SMU1: variants seen among roughly 807,000 people sequenced by gnomAD.
SMU1 encodes the protein WD40 repeat-containing protein SMU1.
A neutral mutation model predicts 62.0 loss-of-function variants in SMU1; 2 were observed. The ratio of observed to expected loss-of-function variants is 0.03; its 90% CI spans 0.01 to 0.10. SMU1 has a LOEUF of 0.10. SMU1 is among the 10% of genes least tolerant of loss of function. SMU1 has a pLI of 1.00. For synonymous variants in SMU1, 188 were observed against 212.4 expected (o/e 0.89, Z 1.00); for missense variants, 227 against 622.1 (o/e 0.36, Z 6.76).
chr9:33,046,139 G>T lies in SMU1; in HGVS notation c.*1154C>A, dbSNP rs958413970. The T allele has an allele frequency of 7.2e-5, 11 of 152,310 alleles. No homozygotes were observed. The highest frequency in any genetic ancestry group is 2.6e-4 in the African/African-American group (11 of 41,570). The allele number at this position is 152,310 out of a possible 1,614,324, so 9.4% of individuals were successfully genotyped here. A position where few individuals can be genotyped will look rare whatever the true frequency, so the allele number is the denominator to read the frequency against. ...TTTTCTTTAGATAACTGGTAATGAT[G>T]CACATTACAAAGGAGACTTTTCTAA... On this transcript the variant is annotated 3_prime_UTR_variant, in exon 12 of 12. Transcript: ENST00000397149.
intron 6 of SMU1, among the ~76,000 whole-genome samples, chr9:33,059,222 T>C (rs1839335540): frequency 6.6e-6 from 1 of 152,146 alleles, no homozygotes. Context: ...ACAGGGTATA[T>C]AGTATGCTAT....
rs1055513675 is a variant in SMU1 at position 33,044,615 on chromosome 9, T to C, written c.*2678A>G. On this transcript the variant is annotated 3_prime_UTR_variant, in exon 12 of 12. Coordinates refer to ENST00000397149, the MANE Select transcript of SMU1 (RefSeq NM_018225.3). ...TAGGCGCCGAGGAGTGTAAGCAGCG[T>C]GTGCCCATTTAAAGACAAAATCAGT... is the stretch of plus-strand genomic sequence containing the variant. The C allele has an allele frequency of 6.6e-6, 1 of 152,262 alleles. No individual in the cohort carries two copies. The highest frequency in any genetic ancestry group is 2.4e-5 in the African/African-American group (1 of 41,462). 9.4% of individuals were successfully genotyped at this position (152,262 alleles called of 1,614,324 possible).
intron 4 of SMU1, among the ~76,000 whole-genome samples, chr9:33,063,464 C>A (rs1422415918): frequency 6.6e-6 from 1 of 152,096 alleles, no homozygotes; most frequent in Non-Finnish European, 1.5e-5. Flanking sequence ...AATGTTTATT[C>A]CCCTTTCCTT....
At chr9:33,054,151 AC>A (rs1243769477) in intron 9 of SMU1, among the ~76,000 whole-genome samples, 1 of 152,050 alleles carries the variant, frequency 6.6e-6, no homozygotes. Flanking sequence ...ATACAAACAA[AC>A]AAAACAAAAA....
At position 33,062,170 on chromosome 9, in the gene SMU1, T is replaced by G; in HGVS notation, c.509A>C (p.Lys170Thr). The stretch of plus-strand genomic sequence containing the variant: ...AAGCAATCCCTGATGCTGCTGCCAC[T>G]TCAGTGCCTATGAGGAAAAAAAAAA... ...RLMALLGQAL[K>T]WQQHQGLLPP... Residue 170 changes from lysine to threonine, a missense_variant, in exon 5 of 12, where the codon AAG becomes ACG. This residue lies in a region of SMU1 where 99 missense variants were observed against 270.3 expected (regional missense o/e 0.37). Coordinates refer to ENST00000397149, the MANE Select transcript of SMU1 (RefSeq NM_018225.3). The G allele has an allele frequency of 6.2e-7, 1 of 1,612,656 alleles. No individual in the cohort carries two copies. Among genetic ancestry groups the G allele is most frequent in the Non-Finnish European group, 8.5e-7 (1 of 1,179,414 alleles).
intron 5 of SMU1, among the ~76,000 whole-genome samples, chr9:33,061,157 G>A (rs772149265): frequency 2.0e-5 from 3 of 152,188 alleles, no homozygotes; most frequent in Non-Finnish European, 4.4e-5. Context: ...ATTTGCTAGT[G>A]AGGATGCTCC....
rs1029667482 is a variant in SMU1, at chr9:33,042,500, T to C, written c.*4793A>G. 1 of 152,272 alleles carries C rather than the reference T, an allele frequency of 6.6e-6. No individual in the cohort carries two copies. Among genetic ancestry groups the C allele is most frequent in the Non-Finnish European group, 1.5e-5 (1 of 68,040 alleles). The allele number at this position is 152,272 out of a possible 1,614,324, so 9.4% of individuals were successfully genotyped here. ...GTAGGGAATAGGAGTAGAGGCCAATTATGTCGCTTGAGAGTGCTCTTGGAA... is the reference window on the plus strand; with the variant it reads ...GTAGGGAATAGGAGTAGAGGCCAATCATGTCGCTTGAGAGTGCTCTTGGAA... On this transcript the variant is annotated 3_prime_UTR_variant, in exon 12 of 12. Transcript: ENST00000397149.
At position 33,043,465 on chromosome 9, in the gene SMU1, T is replaced by G. The variant is rs1269212951; in HGVS notation, c.*3828A>C. On this transcript the variant is annotated 3_prime_UTR_variant, in exon 12 of 12. Transcript: ENST00000397149. Reference sequence around the variant, plus strand: ...CACCACCAATTTCTGATTCTGTAGGTCTGGGATAGGACCTTAGAATGTGTC... The same window carrying G: ...CACCACCAATTTCTGATTCTGTAGGGCTGGGATAGGACCTTAGAATGTGTC... The G allele has an allele frequency of 1.3e-5, 2 of 152,228 alleles. No individual in the cohort carries two copies. The highest frequency in any genetic ancestry group is 2.9e-5 in the Non-Finnish European group (2 of 68,054). The allele number at this position is 152,228 out of a possible 1,614,324, so 9.4% of individuals were successfully genotyped here. A position where few individuals can be genotyped will look rare whatever the true frequency, so the allele number is the denominator to read the frequency against.
intron 4 of SMU1, among the ~76,000 whole-genome samples, chr9:33,068,413 T>G (rs531369669): frequency 6.6e-5 from 10 of 152,302 alleles, no homozygotes; most frequent in Admixed American, 3.3e-4. Context: ...AGCAACTCTG[T>G]AGGTAGTCCC....
intron 8 of SMU1, 25 bp downstream of exon 8, chr9:33,056,812 G>C: frequency 1.2e-6 from 2 of 1,607,914 alleles, no homozygotes; most frequent in Non-Finnish European, 1.7e-6. Flanking sequence ...ACTCAAGTGA[G>C]AGCAGTTTTG....
chr9:33,068,725 C>A (rs1034529340), intron 4 of SMU1, 99 bp downstream of exon 4: 36 of 1,390,748 alleles, frequency 2.6e-5, no homozygotes, highest in Non-Finnish European at 3.1e-5. Context: ...GGCTGGTCTC[C>A]AACTACTAGG....
Position 33,048,196 on chromosome 9 carries a change from A to T in SMU1, c.1353T>A (p.Ser451=), listed in dbSNP as rs1839206763. 1 of 1,614,038 alleles carries T rather than the reference A, an allele frequency of 6.2e-7. No homozygotes were observed. The highest frequency in any genetic ancestry group is 1.3e-5 in the African/African-American group (1 of 74,920). ...EGGDFVCCAL[S]PRGEWIYCVG... ...CACAGTAGATCCATTCACCACGGGG[A>T]GAGAGGGCACAGCAAACAAAGTCCC... Residue 451 remains serine, a synonymous_variant, in exon 11 of 12, where the codon TCT becomes TCA. Transcript: ENST00000397149.
rs572118083 is a variant in SMU1 at position 33,050,526 on chromosome 9, TAA to T, written c.1291-2270_1291-2269del. 3.4e-3 allele frequency among the ~76,000 whole-genome samples: 342 copies of T among 99,848 alleles called. 2 individuals are homozygous for T. The highest frequency in any genetic ancestry group is 0.011 in the African/African-American group (294 of 27,256). 65.5% of individuals were successfully genotyped at this position (99,848 alleles called of 152,430 possible). A position where few individuals can be genotyped will look rare whatever the true frequency, so the allele number is the denominator to read the frequency against. On this transcript the variant is annotated intron_variant, in intron 10 of 11. Transcript: ENST00000397149. ...GGATAAATAAATGTTATTAAGCACT[TAA>T]AAAAAAAAAAAAAAAAAAGCCGGGT...
At chr9:33,063,254 T>C (rs1380781954) in intron 4 of SMU1, among the ~76,000 whole-genome samples, 1 of 151,900 alleles carries the variant, frequency 6.6e-6, no homozygotes, top group African/African-American at 2.4e-5. Context: ...CCCAGCTACT[T>C]GGGAGACTGA....
intron 3 of SMU1, among the ~76,000 whole-genome samples, chr9:33,069,193 G>C (rs2117860096): frequency 6.6e-6 from 1 of 152,208 alleles, no homozygotes; most frequent in Non-Finnish European, 1.5e-5. Flanking sequence ...CTGAGTTCCT[G>C]GCCAAAGGAC....
chr9:33,054,435 C>T (rs1263535261), intron 9 of SMU1, among the ~76,000 whole-genome samples: 1 of 152,158 alleles, frequency 6.6e-6, no homozygotes, highest in Non-Finnish European at 1.5e-5. Context: ...TTTATACTGA[C>T]AATGACTGAA....
At chr9:33,066,638 T>A (rs990426897) in intron 4 of SMU1, among the ~76,000 whole-genome samples, 2 of 151,594 alleles carry the variant, frequency 1.3e-5, no homozygotes, top group Non-Finnish European at 2.9e-5. Context: ...AAACCCCGTC[T>A]CTACTAAAAA....
intron 4 of SMU1, 61 bp downstream of exon 4, chr9:33,068,763 C>T: frequency 6.3e-7 from 1 of 1,579,684 alleles, no homozygotes; most frequent in Admixed American, 1.7e-5. Flanking sequence ...CCTCAGCCTC[C>T]CAAAGTGCAA....
chr9:33,061,924 A>G, intron 5 of SMU1, 125 bp downstream of exon 5: 1 of 1,035,018 alleles, frequency 9.7e-7, no homozygotes. Context: ...AACCTTGAAT[A>G]TTGTCAGAGC....
Sources: gnomAD v4.1 joint callset for allele counts (sites outside exome capture counted in the v4.1 genomes callset) on GRCh38, gnomAD v4.1.1 for gene constraint, gnomAD v4.1.1 regional missense constraint, MANE v1.5 for transcripts, NCBI Gene and HGNC (gene_info 2026-07-23, HGNC 2026-07-21) for gene names.